Variants in SOBP observed in about 807,000 individuals in gnomAD.
The protein encoded by SOBP is sine oculis-binding protein homolog.
A neutral mutation model predicts 53.6 loss-of-function variants in SOBP; 4 were observed. The observed-to-expected ratio is 0.07, with a 90% CI of 0.04 to 0.17. The LOEUF is 0.17. SOBP is among the 10% of genes least tolerant of loss of function. The pLI is 1.00. For synonymous variants in SOBP, 584 were observed against 522.6 expected (o/e 1.12, Z -1.60); for missense variants, 1,088 against 1,204.7 (o/e 0.90, Z 1.43).
chr6:107,498,475 T>C (rs1472288603), intron 1 of SOBP, among the ~76,000 whole-genome samples: 2 of 152,228 alleles, frequency 1.3e-5, no homozygotes, highest in South Asian at 2.1e-4. Flanking sequence ...AGAGGTATTT[T>C]GCGAATTTGT....
rs1249485464 is a variant in SOBP at position 107,660,494 on chromosome 6, A to G, written c.*2291A>G. ...CAAGTCCTGATCTTTTTTGGCTCCA[A>G]GGGTTCAGGCCTGAGGTTCAAGAAG... On this transcript the variant is annotated 3_prime_UTR_variant, in exon 7 of 7. Coordinates refer to ENST00000317357, the MANE Select transcript of SOBP (RefSeq NM_018013.4). Among the ~76,000 whole-genome samples, 2 of 152,140 alleles carry G rather than the reference A, an allele frequency of 1.3e-5. No individual in the cohort carries two copies. The highest frequency in any genetic ancestry group is 2.4e-5 in the African/African-American group (1 of 41,432).
At chr6:107,596,559 T>G (rs1785954197) in intron 5 of SOBP, among the ~76,000 whole-genome samples, 1 of 152,212 alleles carries the variant, frequency 6.6e-6, no homozygotes, top group Admixed American at 6.5e-5. Context: ...GATGGCTTGT[T>G]CATTCTTGCA....
chr6:107,527,384 A>C (rs1179042736), intron 3 of SOBP, among the ~76,000 whole-genome samples: 1 of 152,172 alleles, frequency 6.6e-6, no homozygotes, highest in African/African-American at 2.4e-5. Context: ...AAGTTAGTGA[A>C]ATTTAACCAG....
intron 4 of SOBP, among the ~76,000 whole-genome samples, chr6:107,577,408 T>A (rs1785262268): frequency 6.6e-6 from 1 of 152,142 alleles, no homozygotes; most frequent in Admixed American, 6.5e-5. Context: ...CCCAAAACAA[T>A]CACCACAAGG....
intron 3 of SOBP, among the ~76,000 whole-genome samples, chr6:107,529,791 A>G (rs1583177621): frequency 6.6e-6 from 1 of 152,150 alleles, no homozygotes; most frequent in Non-Finnish European, 1.5e-5. Flanking sequence ...TTTTGATTTC[A>G]TCTTGGAGTA....
intron 5 of SOBP, among the ~76,000 whole-genome samples, chr6:107,608,429 A>G (rs2115097118): frequency 6.6e-6 from 1 of 152,296 alleles, no homozygotes; most frequent in East Asian, 1.9e-4. Flanking sequence ...TGTCTTTTAT[A>G]GTTGCGTGGT....
chr6:107,635,385 G>A lies in SOBP; in HGVS notation c.2541G>A (p.Ser847=). Residue 847 remains serine (S), a synonymous_variant, in exon 6 of 7, where the codon TCG becomes TCA. Coordinates refer to ENST00000317357, the MANE Select transcript of SOBP (RefSeq NM_018013.4). This position sits in a 1 kb window ranked among gnomAD's most constrained non-coding sequence, Gnocchi z 4.5. ...CCATGGCACCGTGCATCATCTCCTC[G>A]CCCATGCTCAGCGCCGGGCCTGAGG... ...KAAMAPCIIS[S]PMLSAGPEDL... 6.2e-7 allele frequency: 1 copy of A among 1,613,410 alleles called. No individual in the cohort carries two copies. The highest frequency in any genetic ancestry group is 8.5e-7 in the Non-Finnish European group (1 of 1,180,016).
intron 4 of SOBP, among the ~76,000 whole-genome samples, chr6:107,553,773 AC>A (rs1299204006): frequency 2.0e-5 from 3 of 152,084 alleles, no homozygotes; most frequent in African/African-American, 7.2e-5. Flanking sequence ...GGTGTGAGCC[AC>A]TGTGCCTGGC....
At chr6:107,574,910 C>G (rs1785181147) in intron 4 of SOBP, among the ~76,000 whole-genome samples, 1 of 152,192 alleles carries the variant, frequency 6.6e-6, no homozygotes, top group Non-Finnish European at 1.5e-5. Context: ...GGGGAGAGAC[C>G]AGAGGGCGAG....
At chr6:107,557,979 G>C (rs1324803030) in intron 4 of SOBP, 2 of 152,034 alleles carry the variant, frequency 1.3e-5, no homozygotes, top group Non-Finnish European at 2.9e-5. Flanking sequence ...ATTGTATCTA[G>C]AGTGTAAAAT....
intron 5 of SOBP, among the ~76,000 whole-genome samples, chr6:107,590,542 C>T (rs983959716): frequency 6.6e-6 from 1 of 152,148 alleles, no homozygotes; most frequent in African/African-American, 2.4e-5. Context: ...ATTCCTGAGC[C>T]ATCACCTAGA....
At chr6:107,655,333 G>A (rs1527875) in intron 6 of SOBP, among the ~76,000 whole-genome samples, 20,899 of 151,928 alleles carry the variant, frequency 0.14, 1,681 homozygotes, top group Admixed American at 0.19. Flanking sequence ...GTCTTTTCCT[G>A]TGTCACCAAC....
At chr6:107,517,740 G>A (rs1313713715) in intron 3 of SOBP, among the ~76,000 whole-genome samples, 1 of 152,198 alleles carries the variant, frequency 6.6e-6, no homozygotes, top group Non-Finnish European at 1.5e-5. Flanking sequence ...TGATCTAAAT[G>A]TGATAGGTAA....
At chr6:107,510,753 G>A (rs1161340303) in intron 3 of SOBP, 1 of 152,172 alleles carries the variant, frequency 6.6e-6, no homozygotes. Context: ...GCTGTATGTA[G>A]GTTAATGCTG....
At chr6:107,515,399 C>T (rs1441576478) in intron 3 of SOBP, among the ~76,000 whole-genome samples, 1 of 152,148 alleles carries the variant, frequency 6.6e-6, no homozygotes, top group Non-Finnish European at 1.5e-5. Flanking sequence ...CATTACATGC[C>T]AAGGGCATTA....
chr6:107,545,914 A>G (rs939150397), intron 4 of SOBP, among the ~76,000 whole-genome samples: 46 of 152,342 alleles, frequency 3.0e-4, no homozygotes, highest in African/African-American at 1.1e-3. Flanking sequence ...CCTGGAGGCT[A>G]TTTAAGCAAA....
At chr6:107,594,081 G>C (rs545693999) in intron 5 of SOBP, among the ~76,000 whole-genome samples, 151 of 152,272 alleles carry the variant, frequency 9.9e-4, no homozygotes, top group African/African-American at 3.6e-3. Flanking sequence ...TCTTAAGCCA[G>C]ATTATTTTGT....
At chr6:107,576,794 G>A (rs1785237723) in intron 4 of SOBP, among the ~76,000 whole-genome samples, 1 of 152,220 alleles carries the variant, frequency 6.6e-6, no homozygotes, top group Non-Finnish European at 1.5e-5. Flanking sequence ...GGCCAGAACA[G>A]ATGTAGGCAA....
chr6:107,517,810 T>C (rs1333284803), intron 3 of SOBP, among the ~76,000 whole-genome samples: 1 of 152,210 alleles, frequency 6.6e-6, no homozygotes, highest in East Asian at 1.9e-4. Flanking sequence ...CACCAATATT[T>C]CTTAAACTAC....
Sources: gnomAD v4.1 joint callset for allele counts (sites outside exome capture counted in the v4.1 genomes callset) on GRCh38, gnomAD v4.1.1 for gene constraint, Gnocchi (gnomAD v3.1) non-coding constraint, MANE v1.5 for transcripts, NCBI Gene and HGNC (gene_info 2026-07-23, HGNC 2026-07-21) for gene names.